Variants in CRAT observed in about 807,000 individuals in gnomAD.
CRAT encodes carnitine acetylase.
Under a neutral mutation model 73.7 loss-of-function variants are expected in CRAT, and 66 were observed. That is an observed-to-expected ratio of 0.90 (90% CI 0.73 to 1.10). CRAT has a LOEUF of 1.10. CRAT is among the 50% of genes least tolerant of loss of function. The pLI, the probability that CRAT is intolerant of heterozygous loss-of-function variation, is 0.00. For missense variants in CRAT, 745 were observed against 846.9 expected (o/e 0.88, Z 1.49); for synonymous variants, 321 against 343.2 (o/e 0.94, Z 0.71).
chr9:129,110,587 T>G lies in CRAT; in HGVS notation c.-78A>C. 1 of 1,456,276 alleles carries G rather than the reference T, an allele frequency of 6.9e-7. No individual in the cohort carries two copies. The highest frequency in any genetic ancestry group is 9.1e-7 in the Non-Finnish European group (1 of 1,095,660). The allele number at this position is 1,456,276 out of a possible 1,614,324, so 90.2% of individuals were successfully genotyped here. A position where few individuals can be genotyped will look rare whatever the true frequency, so the allele number is the denominator to read the frequency against. On this transcript the variant is annotated 5_prime_UTR_variant, in exon 1 of 14. Coordinates refer to ENST00000318080, the MANE Select transcript of CRAT (RefSeq NM_000755.5). The surrounding 1 kb of genome is among the most constrained non-coding windows in gnomAD (Gnocchi z 5.3). ...AAGTCCGCGCCGCCGCCGCCGCGGCTGGGGTCGGTGGGTCCTTGCTAGAGC... is the reference window on the plus strand; with the variant it reads ...AAGTCCGCGCCGCCGCCGCCGCGGCGGGGGTCGGTGGGTCCTTGCTAGAGC...
At position 129,098,656 on chromosome 9, in the gene CRAT, C is replaced by T. The variant is rs762520535; in HGVS notation, c.1086-6G>A. The stretch of plus-strand genomic sequence containing the variant: ...GCACAAGCTCGGGTTTCTTCCTGCA[C>T]AGTAAACGGGGCCTCAGGCTCATGC... On this transcript the variant is annotated splice_region_variant and splice_polypyrimidine_tract_variant and intron_variant, in intron 8 of 13. Coordinates refer to ENST00000318080, the MANE Select transcript of CRAT (RefSeq NM_000755.5). 32 of 1,601,248 alleles carry T rather than the reference C, an allele frequency of 2.0e-5. No homozygotes were observed. The South Asian group carries it at 3.1e-4, about 16-fold the overall frequency.
In CRAT at chr9:129,107,839, C is replaced by T. The variant is rs776507175; in HGVS notation, c.266G>A (p.Arg89His). The part of the protein sequence containing the change: ...VGERLQKGLE[R>H]RARKTENWLS... ...CCAGTTCTCCGTCTTCCTGGCCCGACGCTCCAGCCCCTTCTGCAGGCGCTC... is the reference window on the plus strand; with the variant it reads ...CCAGTTCTCCGTCTTCCTGGCCCGATGCTCCAGCCCCTTCTGCAGGCGCTC... Residue 89 changes from arginine (R) to histidine (H), a missense_variant, in exon 2 of 14, where the codon CGT becomes CAT. Arg to His is a conservative substitution (Grantham distance 29). Transcript: ENST00000318080. The surrounding 1 kb of genome is among the most constrained non-coding windows in gnomAD (Gnocchi z 5.0). 3.3e-5 allele frequency: 53 copies of T among 1,612,798 alleles called. No individual in the cohort carries two copies. Among genetic ancestry groups the T allele is most frequent in the Non-Finnish European group, 4.3e-5 (51 of 1,180,034 alleles).
chr9:129,095,302 A>T lies in CRAT; in HGVS notation c.*95T>A. 7.5e-7 allele frequency: 1 copy of T among 1,326,540 alleles called. No homozygotes were observed. The highest frequency in any genetic ancestry group is 1.1e-6 in the Non-Finnish European group (1 of 950,016). The allele number at this position is 1,326,540 out of a possible 1,614,324, so 82.2% of individuals were successfully genotyped here. ...ATTTGGGGGGACCAGGGAAGAGGGA[A>T]CCAAGGAAGAGGGAACCAAGGAGCT... On this transcript the variant is annotated 3_prime_UTR_variant, in exon 14 of 14. Coordinates refer to ENST00000318080, the MANE Select transcript of CRAT (RefSeq NM_000755.5).
chr9:129,098,304 C>A lies in CRAT; in HGVS notation c.1273G>T (p.Glu425Ter). 1 of 1,614,048 alleles carries A rather than the reference C, an allele frequency of 6.2e-7. No homozygotes were observed. The highest frequency in any genetic ancestry group is 8.5e-7 in the Non-Finnish European group (1 of 1,180,044). ...ATGAAGGCATCTGGGCTTAGCTTCTCCGACTTGGGGAAGTCTTTTCCAAAA... is the reference window on the plus strand; with the variant it reads ...ATGAAGGCATCTGGGCTTAGCTTCTACGACTTGGGGAAGTCTTTTCCAAAA... Reference protein sequence around the residue: ...HHFGKDFPKSEKLSPDAFIQM... With the variant: ...HHFGKDFPKS Residue 425 changes from glutamate (E) to a stop codon, truncating the protein, a stop_gained, in exon 10 of 14, where the codon GAG becomes TAG. Transcript: ENST00000318080. LOFTEE classifies it high-confidence loss of function.
rs1470353878 is a variant in CRAT at position 129,103,002 on chromosome 9, G to A, written c.464+11C>T. ...GCAGGTGTGGGGCTGGGCAGGGGTG[G>A]GGATGCTCACTTGTCAATCATGACC... On this transcript the variant is annotated intron_variant, in intron 4 of 13. Transcript: ENST00000318080. This position sits in a 1 kb window ranked among gnomAD's most constrained non-coding sequence, Gnocchi z 4.6. 1 of 1,612,858 alleles carries A rather than the reference G, an allele frequency of 6.2e-7. No homozygotes were observed. Among genetic ancestry groups the A allele is most frequent in the Non-Finnish European group, 8.5e-7 (1 of 1,178,852 alleles).
chr9:129,105,436 T>G (rs4836636), intron 2 of CRAT, among the ~76,000 whole-genome samples: 1,810 of 152,250 alleles, frequency 0.012, 46 homozygotes, highest in East Asian at 0.11. Flanking sequence ...TTCTCTTGCC[T>G]CAGCCTCTTG....
rs1305651479 is a variant in CRAT, at chr9:129,097,238, G to A, written c.1527+12C>T. On this transcript the variant is annotated intron_variant, in intron 12 of 13. Coordinates refer to ENST00000318080, the MANE Select transcript of CRAT (RefSeq NM_000755.5). ...AAGGGACAAGTGAGTAGGCACAAGC[G>A]GGCTCACTTACCCGGTCGGTGTAGC... The A allele has an allele frequency of 7.7e-6, 12 of 1,551,856 alleles. No homozygotes were observed. Among genetic ancestry groups the A allele is most frequent in the Non-Finnish European group, 1.0e-5 (12 of 1,146,894 alleles).
chr9:129,095,962 C>T (rs369072607), intron 13 of CRAT, 36 bp downstream of exon 13: 19 of 1,612,986 alleles, frequency 1.2e-5, no homozygotes, highest in African/African-American at 6.7e-5. Context: ...GGGTTCTCTG[C>T]CTCCAGCCCC....
chr9:129,109,259 C>T, intron 1 of CRAT: 5 of 1,304,172 alleles, frequency 3.8e-6, no homozygotes, highest in Non-Finnish European at 5.1e-6. Context: ...GAGGTTACAC[C>T]ACAGCCCTGG....
Position 129,100,628 on chromosome 9 carries a change from A to T in CRAT, c.867T>A (p.Asp289Glu), listed in dbSNP as rs756771838. The change falls in exon 7 of 14, where the codon GAT (aspartate) becomes GAA (glutamate). Residue 289 changes from aspartate (D) to glutamate (E), a missense_variant. Asp to Glu is a conservative substitution (Grantham distance 45, BLOSUM62 2). Coordinates refer to ENST00000318080, the MANE Select transcript of CRAT (RefSeq NM_000755.5). ...CTTCTGAGACCCTGGGCATGGTTGC[A>T]TCTAGGCACACGGTGAAGATGCTCT... ...IQKSIFTVCL[D>E]ATMPRVSEDV... is the part of the protein sequence containing the mutation. 6.2e-7 allele frequency: 1 copy of T among 1,613,962 alleles called. No individual in the cohort carries two copies. Among genetic ancestry groups the T allele is most frequent in the Non-Finnish European group, 8.5e-7 (1 of 1,179,986 alleles).
In CRAT at chr9:129,100,677, C is replaced by T. The variant is rs151083796; in HGVS notation, c.818G>A (p.Arg273Gln). The change falls in exon 7 of 14, where the codon CGG becomes CAG. Residue 273 changes from arginine to glutamine, a missense_variant. Arg to Gln is a conservative substitution (Grantham distance 43). Coordinates refer to ENST00000318080, the MANE Select transcript of CRAT (RefSeq NM_000755.5). ...YNTLIKDKVN[R>Q]DSVRSIQKSI... Reference sequence around the variant, plus strand: ...CTTCTGGATGGAGCGCACGGAATCCCGGTTCACCTTGTCTGCAGGTGGCAT... The same window carrying T: ...CTTCTGGATGGAGCGCACGGAATCCTGGTTCACCTTGTCTGCAGGTGGCAT... The T allele has an allele frequency of 6.0e-5, 97 of 1,613,238 alleles. 1 individual carries two copies. The highest frequency in any genetic ancestry group is 5.1e-4 in the African/African-American group (38 of 74,902).
At chr9:129,100,432 G>A (rs997792240) in intron 7 of CRAT, 79 bp downstream of exon 7, 13 of 1,483,920 alleles carry the variant, frequency 8.8e-6, no homozygotes, top group African/African-American at 2.8e-5. Flanking sequence ...ACGCAGGGCC[G>A]GGGACGGGCA....
intron 2 of CRAT, among the ~76,000 whole-genome samples, chr9:129,104,813 C>T (rs752692949): frequency 2.6e-5 from 4 of 151,472 alleles, no homozygotes; most frequent in East Asian, 1.9e-4. Context: ...ACCGTGTTAG[C>T]CAGGATGGTC....
chr9:129,110,660 C>G lies in CRAT; in HGVS notation c.-151G>C. ...TACAGCCGCCAGCCGGTAGAGGCAG[C>G]CCCGCGCCCACCCTCTGGGCCGAGC... On this transcript the variant is annotated 5_prime_UTR_variant, in exon 1 of 14. Coordinates refer to ENST00000318080, the MANE Select transcript of CRAT (RefSeq NM_000755.5). The surrounding 1 kb of genome is among the most constrained non-coding windows in gnomAD (Gnocchi z 5.3). 1 of 968,530 alleles carries G rather than the reference C, an allele frequency of 1.0e-6. No individual in the cohort carries two copies. Among genetic ancestry groups the G allele is most frequent in the Non-Finnish European group, 1.4e-6 (1 of 702,580 alleles). 60.0% of individuals were successfully genotyped at this position (968,530 alleles called of 1,614,324 possible).
chr9:129,100,830 C>T (rs1294805015), intron 6 of CRAT, 141 bp from the exon 7 acceptor site: 10 of 1,043,876 alleles, frequency 9.6e-6, no homozygotes, highest in South Asian at 3.4e-5. Flanking sequence ...CCCACCTCGC[C>T]GGCCCTCCAG....
rs954234555 is a variant in CRAT, at chr9:129,103,994, T to A, written c.410+194A>T. Among the ~76,000 whole-genome samples the A allele has an allele frequency of 1.3e-5, 2 of 152,174 alleles. No individual in the cohort carries two copies. Among genetic ancestry groups the A allele is most frequent in the Non-Finnish European group, 2.9e-5 (2 of 68,020 alleles). On this transcript the variant is annotated intron_variant, in intron 3 of 13. Transcript: ENST00000318080. The surrounding 1 kb of genome is among the most constrained non-coding windows in gnomAD (Gnocchi z 4.6). The stretch of plus-strand genomic sequence containing the variant: ...AGCTGGAGAGACCCTGCTTCCTGAA[T>A]GGGGTCTTGGGCAGCTCCCTTCCCT...
Position 129,110,344 on chromosome 9 carries a change from G to A in CRAT, c.27+139C>T. On this transcript the variant is annotated intron_variant, in intron 1 of 13. Transcript: ENST00000318080. The surrounding 1 kb of genome is among the most constrained non-coding windows in gnomAD (Gnocchi z 5.3). ...CAATCTCCTGCTCTGCCAAACCTGG[G>A]ACGCCCGCCTGACCCCACCCCATCA... 1.2e-6 allele frequency: 1 copy of A among 853,170 alleles called. No individual in the cohort carries two copies. The allele number at this position is 853,170 out of a possible 1,614,324, so 52.8% of individuals were successfully genotyped here.
At chr9:129,109,349 C>G in intron 1 of CRAT, 1 of 1,162,942 alleles carries the variant, frequency 8.6e-7, no homozygotes, top group Non-Finnish European at 1.2e-6. Flanking sequence ...GCCAGAAGCC[C>G]TGCCTATTTC....
rs565710301 is a variant in CRAT at position 129,100,614 on chromosome 9, C to T, written c.881G>A (p.Arg294Lys). 42 of 1,613,986 alleles carry T rather than the reference C, an allele frequency of 2.6e-5. No individual in the cohort carries two copies. Among genetic ancestry groups the T allele is most frequent in the Non-Finnish European group, 3.4e-5 (40 of 1,180,014 alleles). Reference protein sequence around the residue: ...FTVCLDATMPRVSEDVYRSHV... With the variant: ...FTVCLDATMPKVSEDVYRSHV... ...GCTGCGGTACACGTCTTCTGAGACC[C>T]TGGGCATGGTTGCATCTAGGCACAC... Residue 294 changes from arginine (R) to lysine (K), a missense_variant, in exon 7 of 14, where the codon AGG becomes AAG. Physicochemically the swap from Arg to Lys is conservative, Grantham distance 26 (BLOSUM62 2). Transcript: ENST00000318080.
Sources: gnomAD v4.1 joint callset for allele counts (sites outside exome capture counted in the v4.1 genomes callset) on GRCh38, gnomAD v4.1.1 for gene constraint, Gnocchi (gnomAD v3.1) non-coding constraint, MANE v1.5 for transcripts, NCBI Gene and HGNC (gene_info 2026-07-23, HGNC 2026-07-21) for gene names.